The following CEP128 variants were observed in gnomAD, a reference collection of about 807,000 sequenced individuals.
CEP128 encodes centrosomal protein 128kDa.
Under a neutral mutation model 156.7 loss-of-function variants are expected in CEP128, and 132 were observed. The observed-to-expected ratio is 0.84, with a 90% CI of 0.73 to 0.97. The LOEUF (loss-of-function observed/expected upper bound fraction) is 0.97. CEP128 is among the 50% of genes least tolerant of loss of function. The probability of loss-of-function intolerance (pLI) is 0.00; values close to 1 mark genes in which losing one functional copy is unlikely to be tolerated. For synonymous variants in CEP128, 469 were observed against 448.9 expected (o/e 1.04, Z -0.57); for missense variants, 1,252 against 1,281.9 (o/e 0.98, Z 0.36).
Position 80,504,961 on chromosome 14 carries a change from C to T in CEP128, c.3132G>A (p.Trp1044Ter). 6.2e-7 allele frequency: 1 copy of T among 1,606,006 alleles called. No homozygotes were observed. The highest frequency in any genetic ancestry group is 1.1e-5 in the South Asian group (1 of 89,386). Residue 1044 changes from tryptophan to a stop codon, truncating the protein, a stop_gained, in exon 24 of 25, where the codon TGG (tryptophan) becomes TGA (stop). Transcript: ENST00000555265. LOFTEE classifies it high-confidence loss of function. ...TAGACAGGAAGCGACTGTGATCCTG[C>T]CAAGAGGATGAGTGATCTAACCCAC... ...HTRGLDHSSS[W>*]QDHSRFLSSP... is the part of the protein sequence containing the mutation.
chr14:80,774,632 T>TGTGC (rs1459440671), intron 16 of CEP128, among the ~76,000 whole-genome samples: 1 of 152,082 alleles, frequency 6.6e-6, no homozygotes, highest in Non-Finnish European at 1.5e-5. Flanking sequence ...TGTGCGTGTG[T>TGTGC]GTGTATGTGT....
chr14:80,626,755 C>T (rs1006060872), intron 19 of CEP128, among the ~76,000 whole-genome samples: 2 of 152,128 alleles, frequency 1.3e-5, no homozygotes, highest in African/African-American at 2.4e-5. Flanking sequence ...GATGGTGAAA[C>T]TCCGTCTCTA....
intron 4 of CEP128, among the ~76,000 whole-genome samples, chr14:80,909,371 T>TCTCACACA (rs1555362275): frequency 9.1e-5 from 13 of 142,334 alleles, no homozygotes; most frequent in Non-Finnish European, 1.5e-4. Flanking sequence ...AAGTGAATTT[T>TCTCACACA]CACACACACA....
chr14:80,571,862 G>A (rs1891153914), intron 20 of CEP128, among the ~76,000 whole-genome samples: 1 of 152,160 alleles, frequency 6.6e-6, no homozygotes, highest in Non-Finnish European at 1.5e-5. Context: ...TAGTAGTATA[G>A]AAGCCAAGAA....
intron 18 of CEP128, among the ~76,000 whole-genome samples, chr14:80,744,514 AAT>A (rs35052220): frequency 0.065 from 9,901 of 152,198 alleles, 1,066 homozygotes; most frequent in African/African-American, 0.23. Flanking sequence ...AACATTTCTA[AAT>A]ATTGTCCTGT....
chr14:80,723,716 G>C (rs1266781022), intron 19 of CEP128, among the ~76,000 whole-genome samples: 1 of 152,150 alleles, frequency 6.6e-6, no homozygotes, highest in Non-Finnish European at 1.5e-5. Flanking sequence ...TCAATGAAAA[G>C]TGGTGCTATT....
chr14:80,847,895 A>G (rs1053197953), intron 9 of CEP128, among the ~76,000 whole-genome samples: 3 of 152,164 alleles, frequency 2.0e-5, no homozygotes, highest in Non-Finnish European at 4.4e-5. Flanking sequence ...TAGGTACATG[A>G]TAGTATTGGC....
At chr14:80,946,961 A>G (rs1462501944) in intron 2 of CEP128, among the ~76,000 whole-genome samples, 1 of 151,592 alleles carries the variant, frequency 6.6e-6, no homozygotes, top group East Asian at 1.9e-4. Context: ...TAAAAGTGTG[A>G]AGCACTTCCC....
chr14:80,707,128 C>G (rs1283236624), intron 19 of CEP128, among the ~76,000 whole-genome samples: 1 of 152,048 alleles, frequency 6.6e-6, no homozygotes, highest in African/African-American at 2.4e-5. Flanking sequence ...TCTCATGATT[C>G]TTGGTATGGC....
chr14:80,597,619 A>G (rs941777920), intron 19 of CEP128, among the ~76,000 whole-genome samples: 1 of 151,070 alleles, frequency 6.6e-6, no homozygotes, highest in Non-Finnish European at 1.5e-5. Flanking sequence ...CCTCAAAAAA[A>G]CAAAGAAAGA....
chr14:80,694,865 A>G (rs1896837426), intron 19 of CEP128, among the ~76,000 whole-genome samples: 1 of 151,824 alleles, frequency 6.6e-6, no homozygotes, highest in South Asian at 2.1e-4. Flanking sequence ...ACGTATACCT[A>G]TGTAACAAAC....
chr14:80,853,030 A>G (rs926766773), intron 9 of CEP128, among the ~76,000 whole-genome samples: 3 of 151,920 alleles, frequency 2.0e-5, no homozygotes, highest in African/African-American at 7.2e-5. Context: ...ATATTTAAAT[A>G]CCCAAAGTTA....
intron 19 of CEP128, among the ~76,000 whole-genome samples, chr14:80,741,563 A>G (rs328241): frequency 0.66 from 99,936 of 152,002 alleles, 33,283 homozygotes; most frequent in East Asian, 0.79. Flanking sequence ...GCACTCAGTG[A>G]TGGAAACTCC....
At chr14:80,837,769 T>C (rs1886157242) in intron 11 of CEP128, among the ~76,000 whole-genome samples, 1 of 152,190 alleles carries the variant, frequency 6.6e-6, no homozygotes, top group Non-Finnish European at 1.5e-5. Context: ...TCAAGTAGTA[T>C]CTTGAAAACA....
At chr14:80,702,689 T>C (rs1019633543) in intron 19 of CEP128, among the ~76,000 whole-genome samples, 1 of 152,158 alleles carries the variant, frequency 6.6e-6, no homozygotes, top group Non-Finnish European at 1.5e-5. Context: ...GGTATTATGG[T>C]AGAACTAGGA....
chr14:80,867,838 G>A (rs1004853937), intron 8 of CEP128, among the ~76,000 whole-genome samples: 2 of 152,064 alleles, frequency 1.3e-5, no homozygotes, highest in Non-Finnish European at 2.9e-5. Context: ...TCTGGAAAAA[G>A]AACACCCAGA....
chr14:80,696,050 G>A (rs374020715), intron 19 of CEP128, among the ~76,000 whole-genome samples: 8 of 152,042 alleles, frequency 5.3e-5, no homozygotes, highest in East Asian at 1.9e-4. Flanking sequence ...CTGAACCTCC[G>A]TCCAGTAATA....
At chr14:80,504,212 A>G (rs1013894170) in intron 24 of CEP128, among the ~76,000 whole-genome samples, 10 of 152,212 alleles carry the variant, frequency 6.6e-5, no homozygotes, top group East Asian at 1.9e-4. Flanking sequence ...CTATTTGCCA[A>G]CTACTATATA....
intron 20 of CEP128, among the ~76,000 whole-genome samples, chr14:80,572,159 G>A (rs1891166566): frequency 6.6e-6 from 1 of 152,166 alleles, no homozygotes; most frequent in Admixed American, 6.6e-5. Context: ...GTAGACTGAA[G>A]CATAAAATAA....
Sources: gnomAD v4.1 joint callset for allele counts (sites outside exome capture counted in the v4.1 genomes callset) on GRCh38, gnomAD v4.1.1 for gene constraint, MANE v1.5 for transcripts, NCBI Gene and HGNC (gene_info 2026-07-23, HGNC 2026-07-21) for gene names.